Variants in BIK observed in about 807,000 individuals in gnomAD.
BIK encodes the protein BCL2 interacting killer.
A neutral mutation model predicts 12.1 loss-of-function variants in BIK; 14 were observed. The observed-to-expected ratio is 1.16, with a 90% CI of 0.77 to 1.81. BIK has a LOEUF of 1.81. Ranked by LOEUF, BIK falls within the 40% of genes most tolerant of loss-of-function variation. The pLI is 0.00. For missense variants in BIK, 215 were observed against 207.9 expected, an observed-to-expected ratio of 1.03 and a Z score of -0.21; for synonymous variants, 86 against 92.3, an observed-to-expected ratio of 0.93 and a Z score of 0.39.
chr22:43,117,106 A>G (rs1437905599), intron 1 of BIK, among the ~76,000 whole-genome samples: 1 of 152,074 alleles, frequency 6.6e-6, no homozygotes, highest in East Asian at 1.9e-4. Context: ...TCCATTTCAA[A>G]GGCTCTGATT....
intron 1 of BIK, among the ~76,000 whole-genome samples, chr22:43,115,351 G>A (rs1407441613): frequency 6.6e-6 from 1 of 152,160 alleles, no homozygotes; most frequent in African/African-American, 2.4e-5. Flanking sequence ...AAGTTCATAG[G>A]GGAGACCCAA....
chr22:43,128,380 G>T, intron 3 of BIK, 116 bp from the exon 4 acceptor site: 1 of 1,345,208 alleles, frequency 7.4e-7, no homozygotes, highest in Non-Finnish European at 1.0e-6. Context: ...GGTGGCTGTG[G>T]GGTGGGAGGG....
chr22:43,118,966 G>A (rs547411759), intron 1 of BIK, among the ~76,000 whole-genome samples: 7 of 152,034 alleles, frequency 4.6e-5, no homozygotes, highest in East Asian at 1.9e-4. Flanking sequence ...GGTAGATGGC[G>A]TTTCCCCATC....
chr22:43,112,987 T>C (rs188012095), intron 1 of BIK, among the ~76,000 whole-genome samples: 1 of 152,288 alleles, frequency 6.6e-6, no homozygotes, highest in East Asian at 1.9e-4. Context: ...ATGGATCACC[T>C]GAGGTCAGGA....
chr22:43,113,111 G>A (rs553769453), intron 1 of BIK, among the ~76,000 whole-genome samples: 1 of 152,288 alleles, frequency 6.6e-6, no homozygotes, highest in Non-Finnish European at 1.5e-5. Flanking sequence ...GGCTGAGGCA[G>A]GAGAACTGCT....
intron 1 of BIK, among the ~76,000 whole-genome samples, chr22:43,121,347 T>G (rs1330760820): frequency 6.6e-6 from 1 of 152,154 alleles, no homozygotes; most frequent in Non-Finnish European, 1.5e-5. Context: ...GAAAGGGTCT[T>G]GCAGGCAGAG....
chr22:43,124,878 C>G (rs927450446), intron 2 of BIK, among the ~76,000 whole-genome samples: 1 of 152,030 alleles, frequency 6.6e-6, no homozygotes, highest in African/African-American at 2.4e-5. Context: ...GGCAACAGAG[C>G]GAGACTCCAT....
chr22:43,127,665 C>T (rs1228858271), intron 2 of BIK, 32 bp from the exon 3 acceptor site: 3 of 1,530,534 alleles, frequency 2.0e-6, no homozygotes, highest in Admixed American at 2.0e-5. Flanking sequence ...CACGGCACAG[C>T]CACACCCGAC....
At chr22:43,127,169 T>C (rs539119233) in intron 2 of BIK, among the ~76,000 whole-genome samples, 1 of 152,176 alleles carries the variant, frequency 6.6e-6, no homozygotes, top group East Asian at 1.9e-4. Context: ...AGGGGCTTCT[T>C]AGTCCCCCCA....
chr22:43,127,423 C>T (rs2147025908), intron 2 of BIK, among the ~76,000 whole-genome samples: 1 of 152,338 alleles, frequency 6.6e-6, no homozygotes, highest in South Asian at 2.1e-4. Context: ...CCATTTCCAC[C>T]AAAGCCCACA....
In BIK at chr22:43,124,095, C is replaced by T; in HGVS notation, c.73C>T (p.Pro25Ser). ...CCTGTATGAGCAGCTCCTGGAACCC[C>T]CGACCATGGAGGTTCTTGGCATGAC... is the stretch of plus-strand genomic sequence containing the variant. ...TLLYEQLLEP[P>S]TMEVLGMTDS... is the part of the protein sequence containing the mutation. The change falls in exon 2 of 5, where the codon CCG becomes TCG. Residue 25 changes from proline to serine, a missense_variant. Physicochemically the swap from Pro to Ser is moderately conservative, Grantham distance 74 (BLOSUM62 -1). Transcript: ENST00000216115. 6.2e-7 allele frequency: 1 copy of T among 1,614,162 alleles called. No homozygotes were observed. Among genetic ancestry groups the T allele is most frequent in the African/African-American group, 1.3e-5 (1 of 75,034 alleles).
At chr22:43,112,256 T>A (rs1930025616) in intron 1 of BIK, among the ~76,000 whole-genome samples, 1 of 152,180 alleles carries the variant, frequency 6.6e-6, no homozygotes, top group Non-Finnish European at 1.5e-5. Flanking sequence ...TGGAGTGCAA[T>A]GGCGCCGTCT....
intron 1 of BIK, among the ~76,000 whole-genome samples, chr22:43,121,156 A>T (rs1930211158): frequency 6.6e-6 from 1 of 152,182 alleles, no homozygotes; most frequent in African/African-American, 2.4e-5. Context: ...AGCCTGGGCA[A>T]TAGAGTGAGA....
intron 1 of BIK, among the ~76,000 whole-genome samples, chr22:43,119,111 C>G (rs1930172233): frequency 6.6e-6 from 1 of 151,588 alleles, no homozygotes; most frequent in Non-Finnish European, 1.5e-5. Flanking sequence ...GTACTCTTTT[C>G]TGCACATACT....
chr22:43,114,457 C>T (rs1232634011), intron 1 of BIK, among the ~76,000 whole-genome samples: 1 of 152,122 alleles, frequency 6.6e-6, no homozygotes, highest in Non-Finnish European at 1.5e-5. Context: ...CGCGTGCCAC[C>T]ACACCAGGCT....
chr22:43,121,298 G>A (rs1930214636), intron 1 of BIK, among the ~76,000 whole-genome samples: 1 of 152,202 alleles, frequency 6.6e-6, no homozygotes, highest in Non-Finnish European at 1.5e-5. Context: ...TGTGGTCCTG[G>A]GTCTACTCAG....
chr22:43,126,889 G>A (rs568498098), intron 2 of BIK, among the ~76,000 whole-genome samples: 39 of 152,048 alleles, frequency 2.6e-4, no homozygotes, highest in African/African-American at 7.7e-4. Flanking sequence ...CCTCCCACCC[G>A]CATCCCCTCC....
Position 43,129,471 on chromosome 22 carries a change from G to GTTT in BIK, c.*174_*176dup. 6 of 1,057,288 alleles carry GTTT rather than the reference G, an allele frequency of 5.7e-6. No individual in the cohort carries two copies. Among genetic ancestry groups the GTTT allele is most frequent in the South Asian group, 2.0e-5 (1 of 49,526 alleles). The allele number at this position is 1,057,288 out of a possible 1,614,324, so 65.5% of individuals were successfully genotyped here. A position where few individuals can be genotyped will look rare whatever the true frequency, so the allele number is the denominator to read the frequency against. ...CTGAGGTTTTATACTCAGGTTTTTT[G>GTTT]TTTTTTTTTTATTCCAGTTTTCGTT... On this transcript the variant is annotated 3_prime_UTR_variant, in exon 5 of 5. Coordinates refer to ENST00000216115, the MANE Select transcript of BIK (RefSeq NM_001197.5).
At chr22:43,118,874 G>A (rs4988385) in intron 1 of BIK, among the ~76,000 whole-genome samples, 1,755 of 152,016 alleles carry the variant, frequency 0.012, 42 homozygotes, top group African/African-American at 0.04. Flanking sequence ...CTGCAGCCTC[G>A]GCCCTCGAAC....
Sources: gnomAD v4.1 joint callset for allele counts (sites outside exome capture counted in the v4.1 genomes callset) on GRCh38, gnomAD v4.1.1 for gene constraint, MANE v1.5 for transcripts, NCBI Gene and HGNC (gene_info 2026-07-23, HGNC 2026-07-21) for gene names.